C9: variants seen among roughly 807,000 people sequenced by gnomAD.
The protein encoded by C9 is complement component C9.
A neutral mutation model predicts 65.4 loss-of-function variants in C9; 63 were observed. The ratio of observed to expected loss-of-function variants is 0.96; its 90% confidence interval spans 0.79 to 1.19. The LOEUF (loss-of-function observed/expected upper bound fraction) is 1.19, where lower values mean the gene tolerates loss of function less well. Ranked by LOEUF, C9 falls within the 50% of genes most tolerant of loss-of-function variation. The pLI, the probability that C9 is intolerant of heterozygous loss-of-function variation, is 0.00. For synonymous variants in C9, 229 were observed against 227.9 expected, an observed-to-expected ratio of 1.00 and a Z score of -0.04; for missense variants, 744 against 670.1, an observed-to-expected ratio of 1.11 and a Z score of -1.22.
intron 4 of C9, among the ~76,000 whole-genome samples, chr5:39,339,037 C>A (rs997491339): frequency 3.3e-5 from 5 of 152,010 alleles, no homozygotes; most frequent in Admixed American, 3.3e-4. Flanking sequence ...TTCTTGGATC[C>A]CAATTAAAGC....
intron 4 of C9, among the ~76,000 whole-genome samples, chr5:39,337,987 G>A (rs1320681200): frequency 6.6e-6 from 1 of 152,140 alleles, no homozygotes; most frequent in Non-Finnish European, 1.5e-5. Context: ...CTATGATTAG[G>A]GAGTGTACTC....
At chr5:39,288,567 G>A (rs1364811388) in intron 10 of C9, among the ~76,000 whole-genome samples, 156 bp downstream of exon 10, 1 of 151,638 alleles carries the variant, frequency 6.6e-6, no homozygotes, top group African/African-American at 2.4e-5. Context: ...CATAAAGGCT[G>A]ATTTACCCAT....
At chr5:39,308,640 C>T (rs1427373802) in intron 7 of C9, among the ~76,000 whole-genome samples, 1 of 152,124 alleles carries the variant, frequency 6.6e-6, no homozygotes, top group Non-Finnish European at 1.5e-5. Flanking sequence ...AGTCTTTTAT[C>T]TGTAATATCA....
chr5:39,351,450 C>G, intron 1 of C9, among the ~76,000 whole-genome samples: 1 of 152,290 alleles, frequency 6.6e-6, no homozygotes, highest in Non-Finnish European at 1.5e-5. Context: ...GCAAATTTCC[C>G]AAACTTTTAC....
chr5:39,308,152 G>T, intron 8 of C9, 78 bp downstream of exon 8: 1 of 1,261,598 alleles, frequency 7.9e-7, no homozygotes, highest in Non-Finnish European at 1.2e-6. Context: ...CAATTAAGAG[G>T]GCTCATTGCA....
intron 9 of C9, among the ~76,000 whole-genome samples, chr5:39,300,553 T>A (rs1323988880): frequency 1.3e-5 from 2 of 151,992 alleles, no homozygotes; most frequent in Non-Finnish European, 2.9e-5. Flanking sequence ...CTGGAGAATG[T>A]GTGCTATGTG....
intron 4 of C9, among the ~76,000 whole-genome samples, chr5:39,334,329 C>T (rs1753911733): frequency 6.7e-6 from 1 of 150,270 alleles, no homozygotes; most frequent in African/African-American, 2.5e-5. Flanking sequence ...AGAGGAGCGT[C>T]TCTGCCCGGC....
rs77413662 is a variant in C9 at position 39,296,560 on chromosome 5, A to T, written c.1417-7609T>A. Among the ~76,000 whole-genome samples, 55 of 151,736 alleles carry T rather than the reference A, an allele frequency of 3.6e-4. No individual in the cohort carries two copies. The East Asian group carries it at 7.2e-3, about 20-fold the overall frequency. ...GAAGGTTCTTTTGAAAACTATAAAC[A>T]CAATTATCACATGATCCAGCAATTC... is the stretch of plus-strand genomic sequence containing the variant. On this transcript the variant is annotated intron_variant, in intron 9 of 10. Coordinates refer to ENST00000263408, the MANE Select transcript of C9 (RefSeq NM_001737.5).
chr5:39,358,062 G>A (rs1754442339), intron 1 of C9, among the ~76,000 whole-genome samples: 1 of 152,138 alleles, frequency 6.6e-6, no homozygotes, highest in African/African-American at 2.4e-5. Flanking sequence ...GAGTGAATAA[G>A]CCATCAAGAT....
intron 1 of C9, among the ~76,000 whole-genome samples, chr5:39,347,651 A>G (rs1754232879): frequency 6.6e-6 from 1 of 152,242 alleles, no homozygotes; most frequent in Admixed American, 6.5e-5. Context: ...GACTTTCTTC[A>G]TAGAATTGGA....
intron 8 of C9, among the ~76,000 whole-genome samples, chr5:39,307,037 G>T (rs575210643): frequency 1.3e-5 from 2 of 152,182 alleles, no homozygotes; most frequent in African/African-American, 4.8e-5. Context: ...GATACCCATG[G>T]TCTAGATACA....
chr5:39,288,419 T>G lies in C9; in HGVS notation c.1645+304A>C, dbSNP rs116735161. Among the ~76,000 whole-genome samples, 719 of 151,932 alleles carry G rather than the reference T, an allele frequency of 4.7e-3. 1 individual carries two copies. The highest frequency in any genetic ancestry group is 8.4e-3 in the Non-Finnish European group (570 of 67,836). The stretch of plus-strand genomic sequence containing the variant: ...TATGTATTAACATTCATCAATTCTA[T>G]ATAGTGAATACCTGATGTTTGTTGT... On this transcript the variant is annotated intron_variant, in intron 10 of 10. Transcript: ENST00000263408.
At chr5:39,345,775 G>A (rs1754180396) in intron 1 of C9, among the ~76,000 whole-genome samples, 1 of 152,168 alleles carries the variant, frequency 6.6e-6, no homozygotes, top group Non-Finnish European at 1.5e-5. Context: ...TGGAAGTAAA[G>A]CACTCCTCAG....
intron 1 of C9, among the ~76,000 whole-genome samples, chr5:39,359,470 G>A (rs1041692082): frequency 1.3e-5 from 2 of 152,068 alleles, no homozygotes; most frequent in African/African-American, 4.8e-5. Flanking sequence ...AGATATAGAT[G>A]TGATGTTGTC....
chr5:39,341,774 C>T, intron 2 of C9, 74 bp from the exon 3 acceptor site: 1 of 1,326,746 alleles, frequency 7.5e-7, no homozygotes. Flanking sequence ...TGCATCCATA[C>T]AACTATATCC....
At chr5:39,340,639 C>T (rs80258751) in intron 4 of C9, among the ~76,000 whole-genome samples, 4,548 of 152,290 alleles carry the variant, frequency 0.03, 211 homozygotes, top group African/African-American at 0.1. Flanking sequence ...AGAACCTCAA[C>T]ATAATCATCC....
intron 10 of C9, among the ~76,000 whole-genome samples, chr5:39,287,842 G>C (rs956794392): frequency 6.6e-6 from 1 of 151,862 alleles, no homozygotes; most frequent in Non-Finnish European, 1.5e-5. Context: ...GGATGGGAGG[G>C]GGATGAGGGT....
At chr5:39,287,246 G>C (rs1753005526) in intron 10 of C9, among the ~76,000 whole-genome samples, 1 of 151,886 alleles carries the variant, frequency 6.6e-6, no homozygotes, top group African/African-American at 2.4e-5. Flanking sequence ...TGAGGTTTTA[G>C]TTATAAATTA....
rs779758450 is a variant in C9, at chr5:39,306,696, C to G, written c.1337G>C (p.Arg446Pro). ...YAFELKEKLL[R>P]GTVIDVTDFV... ...GTCAGTCACATCAATCACGGTTCCT[C>G]GGAGAAGCTTTTCTTTCAGTTCAAA... The change falls in exon 9 of 11, where the codon CGA (arginine) becomes CCA (proline). Residue 446 changes from arginine to proline, a missense_variant. Coordinates refer to ENST00000263408, the MANE Select transcript of C9 (RefSeq NM_001737.5). The G allele has an allele frequency of 6.2e-6, 10 of 1,613,248 alleles. No individual in the cohort carries two copies. In the East Asian group the frequency reaches 1.6e-4, roughly 25 times the overall value.
Sources: allele counts gnomAD v4.1 joint callset (sites outside exome capture counted in the v4.1 genomes callset), GRCh38; gene constraint gnomAD v4.1.1; transcripts MANE v1.5; gene names NCBI Gene and HGNC (gene_info 2026-07-23, HGNC 2026-07-21).